Variants in TULP4 observed in about 807,000 individuals in gnomAD.
TULP4 encodes the protein TUB like protein 4.
In TULP4, 16 loss-of-function variants were observed where a neutral mutation model predicts 129.0. That is an observed-to-expected ratio of 0.12 (90% CI 0.08 to 0.19). The LOEUF (loss-of-function observed/expected upper bound fraction) is 0.19, where lower values mean the gene tolerates loss of function less well. TULP4 is among the 10% of genes least tolerant of loss of function. The pLI is 1.00. For missense variants in TULP4, 1,842 were observed against 2,059.1 expected (o/e 0.89, Z 2.04); for synonymous variants, 998 against 854.0 (o/e 1.17, Z -2.94).
intron 1 of TULP4, among the ~76,000 whole-genome samples, chr6:158,405,788 T>C (rs1241900453): frequency 2.0e-5 from 3 of 152,208 alleles, no homozygotes; most frequent in Non-Finnish European, 2.9e-5. Flanking sequence ...ATCCCGGACA[T>C]GTTCCAAGAA....
At chr6:158,474,644 A>C (rs114037204) in intron 6 of TULP4, among the ~76,000 whole-genome samples, 1,701 of 152,106 alleles carry the variant, frequency 0.011, 34 homozygotes, top group African/African-American at 0.039. Context: ...TCACTACCTC[A>C]CGTTATCAGG....
At chr6:158,469,360 A>G (rs1583911714) in intron 6 of TULP4, among the ~76,000 whole-genome samples, 1 of 148,960 alleles carries the variant, frequency 6.7e-6, no homozygotes, top group African/African-American at 2.5e-5. Context: ...TGCAACCTCC[A>G]CCTCCTGGGT....
At chr6:158,350,623 GCCGAGGCAGGAGAATCACGGGAGC>G (rs1194467895) in intron 1 of TULP4, among the ~76,000 whole-genome samples, 5 of 152,158 alleles carry the variant, frequency 3.3e-5, no homozygotes, top group African/African-American at 1.2e-4. Flanking sequence ...CACTCGGCAG[GCCGAGGCAGGAGAATCACGGGAGC>G]CCGAGGCAGG....
At chr6:158,275,740 G>C (rs1778633771) in intron 1 of TULP4, among the ~76,000 whole-genome samples, 1 of 152,144 alleles carries the variant, frequency 6.6e-6, no homozygotes, top group Admixed American at 6.6e-5. Flanking sequence ...AGAATTTGGG[G>C]TAATATTAGT....
At chr6:158,482,087 G>T (rs555373234) in intron 8 of TULP4, among the ~76,000 whole-genome samples, 12 of 152,204 alleles carry the variant, frequency 7.9e-5, no homozygotes, top group Admixed American at 2.0e-4. Flanking sequence ...CTGTGGGCCT[G>T]GGGGGAGAGA....
rs148499798 is a variant in TULP4, at chr6:158,451,554, G to A, written c.725-580G>A. Among the ~76,000 whole-genome samples the A allele has an allele frequency of 3.3e-5, 5 of 152,346 alleles. No homozygotes were observed. The East Asian group carries it at 9.6e-4, about 29-fold the overall frequency. ...TCCTTAATGTCTGCATGAGGCTCCA[G>A]AGCAGGGTTTTCCTTATGCCGGCTG... On this transcript the variant is annotated intron_variant, in intron 4 of 13. Coordinates refer to ENST00000367097, the MANE Select transcript of TULP4 (RefSeq NM_020245.5).
rs116771612 is a variant in TULP4 at position 158,446,374 on chromosome 6, G to T, written c.544-2622G>T. 5.1e-3 allele frequency among the ~76,000 whole-genome samples: 780 copies of T among 152,184 alleles called. 3 individuals carry two copies. Among genetic ancestry groups the T allele is most frequent in the African/African-American group, 0.018 (746 of 41,514 alleles). On this transcript the variant is annotated intron_variant, in intron 3 of 13. Coordinates refer to ENST00000367097, the MANE Select transcript of TULP4 (RefSeq NM_020245.5). ...GAACTGTAGTTGTAATTCATTAATG[G>T]TAGTGGATTTGGGGCCTGCCCTTTT...
chr6:158,310,807 A>G (rs4257880), upstream of TULP4, among the ~76,000 whole-genome samples: 139,881 of 152,236 alleles, frequency 0.92, 64,447 homozygotes, highest in Admixed American at 0.95. Flanking sequence ...TCCTGGGACT[A>G]CCATGGTGCT....
chr6:158,255,436 TTCTCCGTAGGTGATGACTG>T (rs1259334020), intron 1 of TULP4, among the ~76,000 whole-genome samples: 1 of 152,168 alleles, frequency 6.6e-6, no homozygotes, highest in Non-Finnish European at 1.5e-5. Context: ...ATGGGTCCCA[TTCTCCGTAGGTGATGACTG>T]TAGGGGTGAG....
chr6:158,403,230 C>T (rs753597268), intron 1 of TULP4, among the ~76,000 whole-genome samples: 1 of 152,206 alleles, frequency 6.6e-6, no homozygotes, highest in Non-Finnish European at 1.5e-5. Context: ...AGGACCCTAG[C>T]TCATTCCCTA....
At chr6:158,358,429 A>T (rs1780696079) in intron 1 of TULP4, among the ~76,000 whole-genome samples, 1 of 152,196 alleles carries the variant, frequency 6.6e-6, no homozygotes. Flanking sequence ...CACTTTATTT[A>T]ATTGAATTGC....
At chr6:158,406,634 A>G (rs1029702748) in intron 1 of TULP4, among the ~76,000 whole-genome samples, 2 of 152,334 alleles carry the variant, frequency 1.3e-5, no homozygotes, top group Non-Finnish European at 2.9e-5. Context: ...GACCGTAATT[A>G]TAATGTAGCT....
chr6:158,356,960 C>G (rs1466483197), intron 1 of TULP4, among the ~76,000 whole-genome samples: 1 of 152,154 alleles, frequency 6.6e-6, no homozygotes, highest in African/African-American at 2.4e-5. Context: ...TGCCTAGCAA[C>G]ATGGGGGTAG....
In TULP4 at chr6:158,502,595, T is replaced by G. The variant is rs1582885069; in HGVS notation, c.2932T>G (p.Ser978Ala). ...LAQGRGAAQR[S>A]DNSLIHATLR... ...CCAGGGGCGGGGGGCTGCCCAGAGG[T>G]CCGACAATAGCCTCATCCACGCTAC... Residue 978 changes from serine (S) to alanine (A), a missense_variant, in exon 13 of 14, where the codon TCC becomes GCC. Around this residue, in one of 5 missense-constraint regions of TULP4, gnomAD observed 1,089 missense variants for 987.1 expected, o/e 1.10. Transcript: ENST00000367097. The G allele has an allele frequency of 6.2e-7, 1 of 1,601,344 alleles. No homozygotes were observed. Among genetic ancestry groups the G allele is most frequent in the African/African-American group, 1.3e-5 (1 of 74,962 alleles).
chr6:158,308,702 C>T (rs1403694195), upstream of TULP4, among the ~76,000 whole-genome samples: 11 of 138,616 alleles, frequency 7.9e-5, no homozygotes, highest in Admixed American at 4.2e-4. Context: ...CCAGTAGGGG[C>T]GGCCGGGCAG....
rs114896621 is a variant in TULP4, at chr6:158,351,533, A to G, written c.252+37265A>G. Among the ~76,000 whole-genome samples the G allele has an allele frequency of 3.6e-3, 555 of 152,226 alleles. 6 individuals are homozygous for G. Among genetic ancestry groups the G allele is most frequent in the African/African-American group, 0.013 (529 of 41,524 alleles). On this transcript the variant is annotated intron_variant, in intron 1 of 13. Transcript: ENST00000367097. ...ACATACTGTGTTCTTAAGATATGAA[A>G]AAGCACTGGTGGCATTTCCTGGGAA...
At chr6:158,480,105 A>G (rs755010779) in intron 7 of TULP4, 130 bp downstream of exon 7, 10 of 694,534 alleles carry the variant, frequency 1.4e-5, no homozygotes, top group African/African-American at 3.6e-5. Context: ...GGATCCTGTC[A>G]TGTGCTGCCA....
At chr6:158,367,075 A>G (rs1776931924) in intron 1 of TULP4, among the ~76,000 whole-genome samples, 2 of 152,200 alleles carry the variant, frequency 1.3e-5, no homozygotes, top group African/African-American at 4.8e-5. Context: ...AAATCTGAAT[A>G]ACGCTTTGGG....
At chr6:158,409,918 T>TGC (rs1778055546) in intron 1 of TULP4, among the ~76,000 whole-genome samples, 1 of 152,100 alleles carries the variant, frequency 6.6e-6, no homozygotes, top group South Asian at 2.1e-4. Flanking sequence ...TGCAGTGGCA[T>TGC]GATCTCGGCT....
Sources: allele counts gnomAD v4.1 joint callset (sites outside exome capture counted in the v4.1 genomes callset), GRCh38; gene constraint gnomAD v4.1.1; regional missense constraint gnomAD v4.1.1; transcripts MANE v1.5; gene names NCBI Gene and HGNC (gene_info 2026-07-23, HGNC 2026-07-21).